CFAP77: variants seen among roughly 807,000 people sequenced by gnomAD.
CFAP77 encodes cilia- and flagella-associated protein 77.
Under a neutral mutation model 31.1 loss-of-function variants are expected in CFAP77, and 25 were observed. That is an observed-to-expected ratio of 0.80 (90% CI 0.59 to 1.12). CFAP77 has a LOEUF of 1.12. Ranked by LOEUF, CFAP77 falls within the 50% of genes most tolerant of loss-of-function variation. The pLI is 0.00. For synonymous variants in CFAP77, 151 were observed against 159.9 expected, an observed-to-expected ratio of 0.94 and a Z score of 0.42; for missense variants, 377 against 397.3, an observed-to-expected ratio of 0.95 and a Z score of 0.44.
intron 5 of CFAP77, 108 bp downstream of exon 5, chr9:132,543,155 T>C: frequency 1.2e-6 from 1 of 837,368 alleles, no homozygotes; most frequent in Non-Finnish European, 2.0e-6. Context: ...TCACCATCGA[T>C]TAGTACAACA....
intron 1 of CFAP77, among the ~76,000 whole-genome samples, chr9:132,447,853 C>G (rs1187704858): frequency 6.6e-6 from 1 of 152,144 alleles, no homozygotes; most frequent in African/African-American, 2.4e-5. Context: ...TAAAACCACC[C>G]AACATTCAAA....
At chr9:132,557,476 C>T (rs1236669684) in intron 5 of CFAP77, among the ~76,000 whole-genome samples, 1 of 152,226 alleles carries the variant, frequency 6.6e-6, no homozygotes, top group Non-Finnish European at 1.5e-5. Flanking sequence ...CCCAGCCAGA[C>T]TCAAGGCTGA....
intron 1 of CFAP77, among the ~76,000 whole-genome samples, chr9:132,444,462 C>T (rs1850670219): frequency 6.6e-6 from 1 of 152,202 alleles, no homozygotes; most frequent in African/African-American, 2.4e-5. Flanking sequence ...ATACACTCAG[C>T]ACATTCATGC....
intron 1 of CFAP77, among the ~76,000 whole-genome samples, chr9:132,425,575 G>T (rs922929273): frequency 6.6e-6 from 1 of 152,114 alleles, no homozygotes; most frequent in African/African-American, 2.4e-5. Context: ...TTTCTTGCTT[G>T]TGTTTTTTCC....
At chr9:132,427,538 C>T (rs1850337445) in intron 1 of CFAP77, among the ~76,000 whole-genome samples, 1 of 152,138 alleles carries the variant, frequency 6.6e-6, no homozygotes, top group South Asian at 2.1e-4. Flanking sequence ...TCGCTTGAAC[C>T]CGGGAGGCGG....
In CFAP77 at chr9:132,468,278, C is replaced by T. The variant is rs530045498; in HGVS notation, c.196-30417C>T. ...GGAGGATTGCTTGAGCCCAGGAGGC[C>T]GAGGCTGCAGCGAGCCGAGGTTGCG... On this transcript the variant is annotated intron_variant, in intron 1 of 5. Coordinates refer to ENST00000393216, the MANE Select transcript of CFAP77 (RefSeq NM_001282957.2). Among the ~76,000 whole-genome samples the T allele has an allele frequency of 1.5e-4, 23 of 152,100 alleles. No individual in the cohort carries two copies. In the South Asian group the frequency reaches 4.4e-3, roughly 29 times the overall value.
At chr9:132,477,168 A>G (rs1564218683) in intron 1 of CFAP77, among the ~76,000 whole-genome samples, 1 of 152,214 alleles carries the variant, frequency 6.6e-6, no homozygotes. Flanking sequence ...AGGGACACCT[A>G]GTTGATTACT....
intron 5 of CFAP77, among the ~76,000 whole-genome samples, chr9:132,544,292 C>A (rs563116688): frequency 6.6e-6 from 1 of 152,324 alleles, no homozygotes; most frequent in Non-Finnish European, 1.5e-5. Flanking sequence ...GGGCCGAGTA[C>A]GTTTGGGAGG....
chr9:132,535,513 A>C (rs1406725080), intron 3 of CFAP77, among the ~76,000 whole-genome samples: 1 of 152,092 alleles, frequency 6.6e-6, no homozygotes, highest in Non-Finnish European at 1.5e-5. Context: ...GGAGTTTGAG[A>C]CCAGCCTAGT....
chr9:132,468,570 T>C (rs534077542), intron 1 of CFAP77, among the ~76,000 whole-genome samples: 1 of 152,268 alleles, frequency 6.6e-6, no homozygotes, highest in East Asian at 1.9e-4. Flanking sequence ...CCAGGAAGCC[T>C]TCCCTGACCA....
intron 1 of CFAP77, among the ~76,000 whole-genome samples, chr9:132,442,862 A>G (rs1445701876): frequency 6.6e-6 from 1 of 152,078 alleles, no homozygotes; most frequent in Non-Finnish European, 1.5e-5. Context: ...AGAGTGTACA[A>G]TTCACTGGCA....
rs904706980 is a variant in CFAP77 at position 132,573,139 on chromosome 9, G to A, written c.*629G>A. ...TCCTCCCCCAGGACTGACTTTGGAA[G>A]GTCAACCCACTCTGGAAAAAGCCTT... is the stretch of plus-strand genomic sequence containing the variant. On this transcript the variant is annotated 3_prime_UTR_variant, in exon 6 of 6. Coordinates refer to ENST00000393216, the MANE Select transcript of CFAP77 (RefSeq NM_001282957.2). The A allele has an allele frequency of 6.6e-6, 1 of 152,280 alleles. No individual in the cohort carries two copies. The highest frequency in any genetic ancestry group is 2.4e-5 in the African/African-American group (1 of 41,456). 9.4% of individuals were successfully genotyped at this position (152,280 alleles called of 1,614,324 possible). A position where few individuals can be genotyped will look rare whatever the true frequency, so the allele number is the denominator to read the frequency against.
intron 1 of CFAP77, among the ~76,000 whole-genome samples, chr9:132,449,930 T>G (rs111569847): frequency 0.017 from 2,523 of 151,696 alleles, 68 homozygotes; most frequent in African/African-American, 0.058. Flanking sequence ...TTGTTTGTTT[T>G]GAGATGGAGT....
intron 1 of CFAP77, among the ~76,000 whole-genome samples, chr9:132,452,301 C>T (rs72765877): frequency 0.066 from 10,043 of 152,242 alleles, 357 homozygotes; most frequent in Middle Eastern, 0.099. Flanking sequence ...TTCTCCTAAG[C>T]GGAAAGTCAA....
At chr9:132,459,587 GTA>G (rs35659490) in intron 1 of CFAP77, among the ~76,000 whole-genome samples, 17,121 of 151,524 alleles carry the variant, frequency 0.11, 1,055 homozygotes, top group Middle Eastern at 0.18. Flanking sequence ...GTATGTGTAT[GTA>G]TATATATATG....
rs184117892 is a variant in CFAP77 at position 132,497,390 on chromosome 9, G to A, written c.196-1305G>A. The stretch of plus-strand genomic sequence containing the variant: ...CCAGACCCTCTGGACAGTCTTTGGC[G>A]CAGCCAGAGTGGAGAGATCCCGGGA... On this transcript the variant is annotated intron_variant, in intron 1 of 5. Coordinates refer to ENST00000393216, the MANE Select transcript of CFAP77 (RefSeq NM_001282957.2). The surrounding 1 kb of genome is among the most constrained non-coding windows in gnomAD (Gnocchi z 4.9). Among the ~76,000 whole-genome samples the A allele has an allele frequency of 5.8e-4, 88 of 152,360 alleles. 1 individual carries two copies. The highest frequency in any genetic ancestry group is 3.8e-4 in the Non-Finnish European group (26 of 68,036).
intron 3 of CFAP77, among the ~76,000 whole-genome samples, chr9:132,504,328 G>A (rs911693932): frequency 2.0e-5 from 3 of 152,164 alleles, no homozygotes; most frequent in African/African-American, 7.2e-5. Flanking sequence ...AAGTCAGCTG[G>A]GCTCAGAAAG....
chr9:132,481,566 G>A lies in CFAP77; in HGVS notation c.196-17129G>A, dbSNP rs931484300. Among the ~76,000 whole-genome samples the A allele has an allele frequency of 6.6e-6, 1 of 152,212 alleles. No homozygotes were observed. Among genetic ancestry groups the A allele is most frequent in the Non-Finnish European group, 1.5e-5 (1 of 68,048 alleles). On this transcript the variant is annotated intron_variant, in intron 1 of 5. Transcript: ENST00000393216. The surrounding 1 kb of genome is among the most constrained non-coding windows in gnomAD (Gnocchi z 5.0). ...CTAGAGGAGGAGAAGCATTGCTGCT[G>A]AGGCCTCTGCATCATCTGCCCTAGG...
At chr9:132,420,498 CAA>C (rs111664274) in intron 1 of CFAP77, among the ~76,000 whole-genome samples, 4 of 126,836 alleles carry the variant, frequency 3.2e-5, no homozygotes, top group African/African-American at 2.9e-5. Context: ...ACTAAAAATA[CAA>C]AAAAAAAAAA....
Sources: allele counts gnomAD v4.1 joint callset (sites outside exome capture counted in the v4.1 genomes callset), GRCh38; gene constraint gnomAD v4.1.1; non-coding constraint Gnocchi (gnomAD v3.1); transcripts MANE v1.5; gene names NCBI Gene and HGNC (gene_info 2026-07-23, HGNC 2026-07-21).